Variants in CFI observed in about 807,000 individuals in gnomAD.
CFI encodes complement factor I, also known as C3B/C4B inactivator.
Under a neutral mutation model 78.8 loss-of-function variants are expected in CFI, and 66 were observed. That is an observed-to-expected ratio of 0.84 (90% confidence interval 0.69 to 1.03). CFI has a LOEUF of 1.03. Among genes scored for constraint, CFI ranks in the 50% least tolerant of loss-of-function variants. CFI has a pLI of 0.00. For synonymous variants in CFI, 250 were observed against 232.6 expected (o/e 1.07, Z -0.68); for missense variants, 706 against 704.5 (o/e 1.00, Z -0.02).
At chr4:109,787,522 G>C (rs1415494299) in intron 1 of CFI, among the ~76,000 whole-genome samples, 2 of 151,850 alleles carry the variant, frequency 1.3e-5, no homozygotes, top group Non-Finnish European at 2.9e-5. Context: ...TAAAAAATAG[G>C]GAGAGAATGT....
intron 10 of CFI, among the ~76,000 whole-genome samples, chr4:109,746,806 G>C (rs565948269): frequency 6.6e-6 from 1 of 152,180 alleles, no homozygotes; most frequent in East Asian, 1.9e-4. Flanking sequence ...GTGTGCCGTC[G>C]CTGCAGGTGT....
chr4:109,772,427 T>C (rs1728718816), intron 1 of CFI, among the ~76,000 whole-genome samples: 1 of 152,264 alleles, frequency 6.6e-6, no homozygotes, highest in Non-Finnish European at 1.5e-5. Flanking sequence ...TTTGAATATA[T>C]GTAAATGCTA....
chr4:109,748,921 G>GT (rs1183025117), intron 10 of CFI, among the ~76,000 whole-genome samples: 9 of 152,286 alleles, frequency 5.9e-5, no homozygotes, highest in Admixed American at 2.0e-4. Flanking sequence ...AGAACAAAAT[G>GT]TAAGTAGTAC....
intron 1 of CFI, among the ~76,000 whole-genome samples, chr4:109,786,565 A>T (rs925037351): frequency 2.0e-5 from 3 of 151,966 alleles, no homozygotes; most frequent in Non-Finnish European, 4.4e-5. Context: ...TCCATATTTA[A>T]CCTATAAACA....
At chr4:109,776,561 C>T (rs975826834) in intron 1 of CFI, among the ~76,000 whole-genome samples, 5 of 152,174 alleles carry the variant, frequency 3.3e-5, no homozygotes, top group African/African-American at 1.2e-4. Context: ...GGATATTACC[C>T]AGGAGAACTT....
chr4:109,748,374 G>A (rs1011507503), intron 10 of CFI, among the ~76,000 whole-genome samples: 1 of 152,138 alleles, frequency 6.6e-6, no homozygotes, highest in East Asian at 1.9e-4. Flanking sequence ...TGGAGTTCAC[G>A]ATCTAGGGAA....
intron 1 of CFI, among the ~76,000 whole-genome samples, chr4:109,771,459 C>A (rs965652191): frequency 1.3e-5 from 2 of 150,172 alleles, no homozygotes; most frequent in Admixed American, 1.3e-4. Flanking sequence ...AATCCCAGCA[C>A]TTTGGGATGC....
rs1727820808 is a variant in CFI, at chr4:109,766,800, G to C, written c.82C>G (p.Leu28Val). The C allele has an allele frequency of 6.2e-7, 1 of 1,614,002 alleles. No individual in the cohort carries two copies. Among genetic ancestry groups the C allele is most frequent in the Non-Finnish European group, 8.5e-7 (1 of 1,180,026 alleles). The part of the protein sequence containing the change: ...CKVTYTSQED[L>V]VEKKCLAKKY... ...TTTGCTAAGCACTTTTTCTCCACCA[G>C]ATCCTCTTGAGATGTATAAGTGACC... The change falls in exon 2 of 13, where the codon CTG (leucine) becomes GTG (valine). Residue 28 changes from leucine to valine, a missense_variant. By Grantham distance (32) the Leu-to-Val change is conservative. Transcript: ENST00000394634.
At chr4:109,778,237 A>G (rs1729537066) in intron 1 of CFI, among the ~76,000 whole-genome samples, 1 of 152,190 alleles carries the variant, frequency 6.6e-6, no homozygotes, top group South Asian at 2.1e-4. Flanking sequence ...GACTGCTAGC[A>G]AGACTAATAA....
At chr4:109,744,808 A>C (rs1014515324) in intron 11 of CFI, among the ~76,000 whole-genome samples, 1 of 152,188 alleles carries the variant, frequency 6.6e-6, no homozygotes, top group Non-Finnish European at 1.5e-5. Context: ...CAGAATGCTG[A>C]TAACTGTGAA....
intron 1 of CFI, among the ~76,000 whole-genome samples, chr4:109,770,633 G>GAAAAAAAA (rs370657391): frequency 1.3e-5 from 1 of 78,298 alleles, no homozygotes; most frequent in Non-Finnish European, 2.7e-5. Context: ...ACACAGACCA[G>GAAAAAAAA]AAAAAAAAAA....
Position 109,752,922 on chromosome 4 carries a change from T to C in CFI, c.905-419A>G, listed in dbSNP as rs1240295666. Among the ~76,000 whole-genome samples, 78 of 114,878 alleles carry C rather than the reference T, an allele frequency of 6.8e-4. 3 individuals are homozygous for C. The highest frequency in any genetic ancestry group is 2.3e-3 in the African/African-American group (72 of 31,160). 75.4% of individuals were successfully genotyped at this position (114,878 alleles called of 152,430 possible). A position where few individuals can be genotyped will look rare whatever the true frequency, so the allele number is the denominator to read the frequency against. On this transcript the variant is annotated intron_variant, in intron 7 of 12. Coordinates refer to ENST00000394634, the MANE Select transcript of CFI (RefSeq NM_000204.5). ...ATTATATAAATAAATATTTATAATA[T>C]ATATTTATTATATAAATAAATATTT...
chr4:109,771,035 C>T lies in CFI; in HGVS notation c.58-4211G>A, dbSNP rs751414743. Among the ~76,000 whole-genome samples, 5 of 152,068 alleles carry T rather than the reference C, an allele frequency of 3.3e-5. 1 individual carries two copies. The highest frequency in any genetic ancestry group is 1.3e-4 in the Admixed American group (2 of 15,256). Reference sequence around the variant, plus strand: ...TGGAGAGAGAGTTAGGGGTGGGAGACGGGTGATAGGAGTGCTTTTCATTTT... The same window carrying T: ...TGGAGAGAGAGTTAGGGGTGGGAGATGGGTGATAGGAGTGCTTTTCATTTT... On this transcript the variant is annotated intron_variant, in intron 1 of 12. Transcript: ENST00000394634.
chr4:109,734,750 G>T, the CFI span, among the ~76,000 whole-genome samples: 4 of 152,204 alleles, frequency 2.6e-5, no homozygotes, highest in Non-Finnish European at 5.9e-5. Context: ...GTTGCAGTGA[G>T]CTGAGATCGT....
At chr4:109,770,740 G>A (rs762691588) in intron 1 of CFI, among the ~76,000 whole-genome samples, 1 of 151,972 alleles carries the variant, frequency 6.6e-6, no homozygotes, top group Non-Finnish European at 1.5e-5. Context: ...AAAGAGAGTG[G>A]GGAGAGGACT....
intron 1 of CFI, among the ~76,000 whole-genome samples, chr4:109,778,097 T>G (rs1332868873): frequency 6.6e-6 from 1 of 151,910 alleles, no homozygotes; most frequent in East Asian, 1.9e-4. Context: ...GCAAACACAT[T>G]CAAAAGCTAG....
chr4:109,742,408 T>C (rs1723909803), intron 12 of CFI, 83 bp downstream of exon 12: 1 of 918,130 alleles, frequency 1.1e-6, no homozygotes, highest in Admixed American at 1.8e-5. Flanking sequence ...GCCCAAAGCA[T>C]GGGGGCTGAT....
At chr4:109,741,390 T>C in intron 12 of CFI, 1 of 984,060 alleles carries the variant, frequency 1.0e-6, no homozygotes, top group Non-Finnish European at 1.2e-6. Flanking sequence ...AACCTGAAAG[T>C]TGCATCAAAT....
Position 109,746,295 on chromosome 4 carries a change from G to A in CFI, c.1356C>T (p.Ala452=), listed in dbSNP as rs1192147099. Residue 452 remains alanine, a synonymous_variant, in exon 11 of 13, where the codon GCC becomes GCT. Coordinates refer to ENST00000394634, the MANE Select transcript of CFI (RefSeq NM_000204.5). ...ATAGGTAAGGAGACCAGGGGACACA[G>A]GCAGGGATGGAACGAGGCAGCTCAC... ...KDCELPRSIP[A]CVPWSPYLFQ... 2.5e-6 allele frequency: 4 copies of A among 1,614,180 alleles called. No individual in the cohort carries two copies. Among genetic ancestry groups the A allele is most frequent in the Non-Finnish European group, 3.4e-6 (4 of 1,180,016 alleles).
Sources: gnomAD v4.1 joint callset for allele counts (sites outside exome capture counted in the v4.1 genomes callset) on GRCh38, gnomAD v4.1.1 for gene constraint, MANE v1.5 for transcripts, NCBI Gene and HGNC (gene_info 2026-07-23, HGNC 2026-07-21) for gene names.